The following ETV6 variants were observed in gnomAD, a reference collection of about 807,000 sequenced individuals.
ETV6 encodes the protein ETS variant transcription factor 6.
ETV6 carries 16 observed loss-of-function variants against 51.1 expected under a neutral mutation model. That is an observed-to-expected ratio of 0.31 (90% CI 0.21 to 0.48). ETV6 has a LOEUF of 0.48. ETV6 is among the 20% of genes least tolerant of loss of function. The pLI is 0.99. For missense variants in ETV6, 458 were observed against 594.8 expected, an observed-to-expected ratio of 0.77 and a Z score of 2.39; for synonymous variants, 240 against 224.1, an observed-to-expected ratio of 1.07 and a Z score of -0.64.
rs190830655 is a variant in ETV6 at position 11,884,104 on chromosome 12, T to C, written c.1010-341T>C. 1.9e-3 allele frequency among the ~76,000 whole-genome samples: 284 copies of C among 152,358 alleles called. 2 individuals are homozygous for C. Among genetic ancestry groups the C allele is most frequent in the South Asian group, 3.5e-3 (17 of 4,830 alleles). The stretch of plus-strand genomic sequence containing the variant: ...GCATTTAACACACATTCAGAGCCCA[T>C]TGATTCAGTTAGAACTTGCCTCCCG... On this transcript the variant is annotated intron_variant, in intron 5 of 7. Coordinates refer to ENST00000396373, the MANE Select transcript of ETV6 (RefSeq NM_001987.5).
rs201980457 is a variant in ETV6, at chr12:11,769,442, G to GA, written c.163+16874dup. Among the ~76,000 whole-genome samples the GA allele has an allele frequency of 0.01, 1,422 of 140,858 alleles. 38 individuals are homozygous for GA. In the East Asian group the frequency reaches 0.11, roughly 11 times the overall value. The allele number at this position is 140,858 out of a possible 152,430, so 92.4% of individuals were successfully genotyped here. On this transcript the variant is annotated intron_variant, in intron 2 of 7. Coordinates refer to ENST00000396373, the MANE Select transcript of ETV6 (RefSeq NM_001987.5). ...TAACATCCAGGAGAAAATCTGAGAA[G>GA]AAAAAAAAAAACGATTTTGATGGTA...
chr12:11,687,898 C>T (rs1864667076), intron 1 of ETV6, among the ~76,000 whole-genome samples: 1 of 152,222 alleles, frequency 6.6e-6, no homozygotes, highest in Non-Finnish European at 1.5e-5. Context: ...ACAATGGTAG[C>T]AACAGCAGCC....
In ETV6 at chr12:11,869,078, T is replaced by TA. The variant is rs971548175; in HGVS notation, c.464-338dup. ...GGTGAAACCCCATCTCTACTAAAAA[T>TA]AAAAAAAATTAGCCGAGCATGGTGG... On this transcript the variant is annotated intron_variant, in intron 4 of 7. Transcript: ENST00000396373. This position sits in a 1 kb window ranked among gnomAD's most constrained non-coding sequence, Gnocchi z 5.0. Among the ~76,000 whole-genome samples the TA allele has an allele frequency of 3.3e-5, 5 of 151,326 alleles. No homozygotes were observed. The highest frequency in any genetic ancestry group is 7.4e-5 in the Non-Finnish European group (5 of 67,794).
At chr12:11,719,671 G>C (rs989634255) in intron 1 of ETV6, among the ~76,000 whole-genome samples, 2 of 152,200 alleles carry the variant, frequency 1.3e-5, no homozygotes, top group Admixed American at 1.3e-4. Flanking sequence ...GCGTCTTTTG[G>C]GGGTGCTAGG....
chr12:11,827,082 A>ACT (rs1437983846), intron 2 of ETV6, among the ~76,000 whole-genome samples: 1 of 149,942 alleles, frequency 6.7e-6, no homozygotes, highest in Admixed American at 6.6e-5. Context: ...ACACACACAC[A>ACT]CACACACACA....
chr12:11,671,553 GA>G (rs1391982844), intron 1 of ETV6, among the ~76,000 whole-genome samples: 2 of 152,148 alleles, frequency 1.3e-5, no homozygotes, highest in Non-Finnish European at 2.9e-5. Context: ...AACTTGATTT[GA>G]TTATAAATGT....
At position 11,890,303 on chromosome 12, in the gene ETV6, A is replaced by T. The variant is rs532344253; in HGVS notation, c.1254-638A>T. On this transcript the variant is annotated intron_variant, in intron 7 of 7. Coordinates refer to ENST00000396373, the MANE Select transcript of ETV6 (RefSeq NM_001987.5). ...GGATATACAGCTCTCATGAGTCTGT[A>T]AAATCTAATTCTGTAAAAGAAAGAA... Among the ~76,000 whole-genome samples the T allele has an allele frequency of 5.3e-5, 8 of 151,076 alleles. No individual in the cohort carries two copies. The South Asian group carries it at 1.7e-3, about 32-fold the overall frequency.
chr12:11,691,717 A>G (rs1864767470), intron 1 of ETV6, among the ~76,000 whole-genome samples: 1 of 152,194 alleles, frequency 6.6e-6, no homozygotes, highest in South Asian at 2.1e-4. Context: ...TCATGAGCCG[A>G]TTATACACAG....
chr12:11,709,013 G>A (rs1865123978), intron 1 of ETV6, among the ~76,000 whole-genome samples: 1 of 152,202 alleles, frequency 6.6e-6, no homozygotes, highest in Non-Finnish European at 1.5e-5. Flanking sequence ...CTGTTCAGGA[G>A]TGGTCAGGGG....
chr12:11,754,825 G>C (rs181395046), intron 2 of ETV6, among the ~76,000 whole-genome samples: 1 of 152,186 alleles, frequency 6.6e-6, no homozygotes, highest in Non-Finnish European at 1.5e-5. Flanking sequence ...TATTTATCAC[G>C]GGATTACCCT....
chr12:11,707,913 TCTC>T (rs762999121), intron 1 of ETV6, among the ~76,000 whole-genome samples: 2 of 152,230 alleles, frequency 1.3e-5, no homozygotes, highest in South Asian at 2.1e-4. Context: ...CTCAACTTTG[TCTC>T]CTCCTATCTT....
intron 3 of ETV6, among the ~76,000 whole-genome samples, chr12:11,842,407 TACACACACACACACACAC>T (rs6144615): frequency 3.4e-5 from 5 of 147,866 alleles, no homozygotes; most frequent in Admixed American, 6.7e-5. Context: ...TTGACACAGA[TACACACACACACACACAC>T]ACACACACAC....
intron 2 of ETV6, among the ~76,000 whole-genome samples, chr12:11,836,290 G>A (rs141113155): frequency 5.3e-5 from 8 of 152,310 alleles, no homozygotes; most frequent in South Asian, 2.1e-4. Context: ...TTTCCAGCTC[G>A]GTGAACGTGT....
chr12:11,673,578 T>C (rs1864360722), intron 1 of ETV6, among the ~76,000 whole-genome samples: 1 of 152,306 alleles, frequency 6.6e-6, no homozygotes, highest in East Asian at 1.9e-4. Flanking sequence ...AAGTAGTGAT[T>C]AGAGGGAAAG....
intron 2 of ETV6, among the ~76,000 whole-genome samples, chr12:11,778,845 G>A (rs898433106): frequency 6.6e-6 from 1 of 152,198 alleles, no homozygotes; most frequent in Non-Finnish European, 1.5e-5. Context: ...GGCCTTAGAG[G>A]ATTAGACACA....
In ETV6 at chr12:11,869,468, C is replaced by G; in HGVS notation, c.508C>G (p.His170Asp). ...RTPRPSVDNV[H>D]HNPPTIELLH... ...CCCCAGGCCATCCGTGGATAATGTG[C>G]ACCATAACCCTCCCACCATTGAACT... The change falls in exon 5 of 8, where the codon CAC (histidine) becomes GAC (aspartate). Residue 170 changes from histidine (H) to aspartate (D), a missense_variant. Transcript: ENST00000396373. This position sits in a 1 kb window ranked among gnomAD's most constrained non-coding sequence, Gnocchi z 5.0. 1 of 1,613,954 alleles carries G rather than the reference C, an allele frequency of 6.2e-7. No individual in the cohort carries two copies. Among genetic ancestry groups the G allele is most frequent in the East Asian group, 2.2e-5 (1 of 44,866 alleles).
chr12:11,869,721 A>G lies in ETV6; in HGVS notation c.761A>G (p.Lys254Arg). ...HCPASSESHP[K>R]PSSPRQESTR... ...CCAGCGTCCTCCGAGTCCCACCCGA[A>G]GCCATCCAGCCCCCGGCAGGAGAGC... The change falls in exon 5 of 8, where the codon AAG (lysine) becomes AGG (arginine). Residue 254 changes from lysine to arginine, a missense_variant. Around this residue, in one of 4 missense-constraint regions of ETV6, gnomAD observed 293 missense variants for 315.7 expected, o/e 0.93. Coordinates refer to ENST00000396373, the MANE Select transcript of ETV6 (RefSeq NM_001987.5). This position sits in a 1 kb window ranked among gnomAD's most constrained non-coding sequence, Gnocchi z 5.0. 1 of 1,613,916 alleles carries G rather than the reference A, an allele frequency of 6.2e-7. No homozygotes were observed. Among genetic ancestry groups the G allele is most frequent in the African/African-American group, 1.3e-5 (1 of 74,994 alleles).
At chr12:11,658,482 G>T (rs1265299736) in intron 1 of ETV6, among the ~76,000 whole-genome samples, 1 of 152,208 alleles carries the variant, frequency 6.6e-6, no homozygotes, top group Non-Finnish European at 1.5e-5. Flanking sequence ...TGATCCTCCT[G>T]CCTCGGCCTC....
chr12:11,740,911 G>T (rs1320489901), intron 1 of ETV6, among the ~76,000 whole-genome samples: 1 of 152,152 alleles, frequency 6.6e-6, no homozygotes, highest in Non-Finnish European at 1.5e-5. Context: ...TTCATTCAGG[G>T]ATCTTCTTAG....
Sources: allele counts gnomAD v4.1 joint callset (sites outside exome capture counted in the v4.1 genomes callset), GRCh38; gene constraint gnomAD v4.1.1; regional missense constraint gnomAD v4.1.1; non-coding constraint Gnocchi (gnomAD v3.1); transcripts MANE v1.5; gene names NCBI Gene and HGNC (gene_info 2026-07-23, HGNC 2026-07-21).